Variants in SLC39A11 observed in about 807,000 individuals in gnomAD.
SLC39A11 encodes the protein zinc transporter ZIP11.
SLC39A11 carries 33 observed loss-of-function variants against 36.1 expected under a neutral mutation model. The observed-to-expected ratio is 0.91, with a 90% CI of 0.69 to 1.22. SLC39A11 has a LOEUF of 1.22. SLC39A11 is among the 50% of genes most tolerant of loss of function. The pLI, the probability that SLC39A11 is intolerant of heterozygous loss-of-function variation, is 0.00. For missense variants in SLC39A11, 432 were observed against 430.3 expected, an observed-to-expected ratio of 1.00 and a Z score of -0.03; for synonymous variants, 166 against 170.3, an observed-to-expected ratio of 0.97 and a Z score of 0.20.
chr17:73,070,578 C>T (rs1288313232), intron 3 of SLC39A11, among the ~76,000 whole-genome samples: 4 of 152,158 alleles, frequency 2.6e-5, no homozygotes, highest in East Asian at 1.9e-4. Context: ...CAGGGGTTCC[C>T]GGCTTTGGCT....
At chr17:72,838,371 A>G (rs1331357069) in intron 6 of SLC39A11, among the ~76,000 whole-genome samples, 1 of 151,662 alleles carries the variant, frequency 6.6e-6, no homozygotes, top group Non-Finnish European at 1.5e-5. Flanking sequence ...TGGGACCACA[A>G]GCGTGCACCA....
chr17:72,753,101 T>A (rs1568032776), intron 6 of SLC39A11, among the ~76,000 whole-genome samples: 3 of 152,048 alleles, frequency 2.0e-5, no homozygotes, highest in Admixed American at 6.6e-5. Context: ...CAAGTGACCC[T>A]CCAACCTCGG....
chr17:72,712,895 A>T (rs2073170970), intron 7 of SLC39A11: 1 of 152,284 alleles, frequency 6.6e-6, no homozygotes, highest in Non-Finnish European at 1.5e-5. Context: ...AACAGATAAG[A>T]CATGACATGA....
At chr17:72,844,734 T>C (rs1405860401) in intron 6 of SLC39A11, among the ~76,000 whole-genome samples, 2 of 152,298 alleles carry the variant, frequency 1.3e-5, no homozygotes, top group Non-Finnish European at 2.9e-5. Context: ...TAACTCTAGC[T>C]AGACTTTGCA....
At chr17:72,921,485 A>C (rs371192623) in intron 5 of SLC39A11, among the ~76,000 whole-genome samples, 56 of 152,338 alleles carry the variant, frequency 3.7e-4, no homozygotes, top group African/African-American at 1.3e-3. Context: ...AAAGAAAAAG[A>C]AAAGCAAAGA....
chr17:73,027,461 A>G (rs1598914222), intron 4 of SLC39A11, among the ~76,000 whole-genome samples: 1 of 152,344 alleles, frequency 6.6e-6, no homozygotes, highest in East Asian at 1.9e-4. Context: ...CAGTTACCGC[A>G]GAGCTTCTCT....
At chr17:73,028,797 A>G (rs2058644331) in intron 4 of SLC39A11, among the ~76,000 whole-genome samples, 1 of 116,536 alleles carries the variant, frequency 8.6e-6, no homozygotes, top group Non-Finnish European at 1.9e-5. Flanking sequence ...AACAAATATG[A>G]ACCAAAAGGT....
chr17:72,748,321 C>CAAAA (rs10657048), intron 6 of SLC39A11, among the ~76,000 whole-genome samples: 7,118 of 147,286 alleles, frequency 0.048, 213 homozygotes, highest in East Asian at 0.13. Context: ...GACTCCATCT[C>CAAAA]AAAAAAAAAA....
Position 73,031,709 on chromosome 17 carries a change from C to T in SLC39A11, c.153G>A (p.Met51Ile), listed in dbSNP as rs1323832314. 8.7e-6 allele frequency: 14 copies of T among 1,613,448 alleles called. No individual in the cohort carries two copies. The highest frequency in any genetic ancestry group is 3.3e-5 in the South Asian group (3 of 91,046). ...GAAGAGACCAATAGGAAGCTGCCAACATGACCTACAAAAACCACAACGAGA... is the reference window on the plus strand; with the variant it reads ...GAAGAGACCAATAGGAAGCTGCCAATATGACCTACAAAAACCACAACGAGA... ...DGSLGFAAGV[M>I]LAASYWSLLA... The change falls in exon 4 of 10, where the codon ATG (methionine) becomes ATA (isoleucine). Residue 51 changes from methionine (M) to isoleucine (I), a missense_variant. Coordinates refer to ENST00000255559, the MANE Select transcript of SLC39A11 (RefSeq NM_139177.4).
At chr17:72,722,091 G>A (rs1251598689) in intron 7 of SLC39A11, among the ~76,000 whole-genome samples, 2 of 151,238 alleles carry the variant, frequency 1.3e-5, no homozygotes, top group Non-Finnish European at 2.9e-5. Context: ...AAAAAAAAAG[G>A]TCAATCCAAA....
intron 6 of SLC39A11, among the ~76,000 whole-genome samples, chr17:72,741,421 G>T (rs551495941): frequency 2.0e-5 from 3 of 152,150 alleles, no homozygotes; most frequent in Non-Finnish European, 4.4e-5. Flanking sequence ...TATAATTTTT[G>T]ATAAATTTTA....
chr17:72,748,286 C>T (rs1367928782), intron 6 of SLC39A11, among the ~76,000 whole-genome samples: 1 of 150,652 alleles, frequency 6.6e-6, no homozygotes, highest in Non-Finnish European at 1.5e-5. Context: ...CGCGCCATTG[C>T]CCTCCAGCCT....
At chr17:72,912,247 A>G (rs72847997) in intron 5 of SLC39A11, among the ~76,000 whole-genome samples, 77,186 of 151,056 alleles carry the variant, frequency 0.51, 19,649 homozygotes, top group African/African-American at 0.53. Flanking sequence ...GACCCTGCAG[A>G]AGCCTGGAGA....
At chr17:72,660,144 T>C (rs1279647468) in intron 7 of SLC39A11, among the ~76,000 whole-genome samples, 1 of 152,142 alleles carries the variant, frequency 6.6e-6, no homozygotes, top group East Asian at 1.9e-4. Context: ...GCTTGGGAAA[T>C]GCTTCCAGCT....
intron 5 of SLC39A11, among the ~76,000 whole-genome samples, chr17:72,929,903 G>A (rs1039716554): frequency 2.6e-5 from 4 of 152,184 alleles, no homozygotes; most frequent in African/African-American, 9.7e-5. Flanking sequence ...GAAAGACAAT[G>A]TGTTTGTCTG....
intron 5 of SLC39A11, among the ~76,000 whole-genome samples, chr17:72,898,611 C>T (rs893524143): frequency 3.3e-5 from 5 of 152,220 alleles, no homozygotes; most frequent in East Asian, 1.9e-4. Context: ...CCCAGTCATA[C>T]ACACATGCAA....
At chr17:73,015,009 C>G (rs566291660) in intron 4 of SLC39A11, among the ~76,000 whole-genome samples, 2 of 152,326 alleles carry the variant, frequency 1.3e-5, no homozygotes, top group Admixed American at 1.3e-4. Flanking sequence ...AACACATGCA[C>G]AGTCTATCAG....
At chr17:72,889,352 T>C (rs749972591) in intron 5 of SLC39A11, among the ~76,000 whole-genome samples, 14 of 151,922 alleles carry the variant, frequency 9.2e-5, no homozygotes, top group Admixed American at 6.6e-4. Context: ...CCATCTCCAA[T>C]AAAAATACAA....
chr17:72,658,340 A>G (rs1304762875), intron 7 of SLC39A11, among the ~76,000 whole-genome samples: 1 of 152,162 alleles, frequency 6.6e-6, no homozygotes, highest in Non-Finnish European at 1.5e-5. Flanking sequence ...GTAGAGGCTG[A>G]GGGCCAATGG....
Sources: gnomAD v4.1 joint callset for allele counts (sites outside exome capture counted in the v4.1 genomes callset) on GRCh38, gnomAD v4.1.1 for gene constraint, MANE v1.5 for transcripts, NCBI Gene and HGNC (gene_info 2026-07-23, HGNC 2026-07-21) for gene names.